The following CDH10 variants were observed in gnomAD, a reference collection of about 807,000 sequenced individuals.
CDH10 encodes cadherin 10, also known as cadherin-10.
In CDH10, 30 loss-of-function variants were observed where a neutral mutation model predicts 73.1. That is an observed-to-expected ratio of 0.41 (90% CI 0.31 to 0.56). The LOEUF (loss-of-function observed/expected upper bound fraction) is 0.56. CDH10 is among the 20% of genes least tolerant of loss of function. The pLI, the probability that CDH10 is intolerant of heterozygous loss-of-function variation, is 0.27. For missense variants in CDH10, 815 were observed against 973.7 expected, an observed-to-expected ratio of 0.84 and a Z score of 2.17; for synonymous variants, 345 against 348.2, an observed-to-expected ratio of 0.99 and a Z score of 0.10.
At chr5:24,573,157 A>G (rs76045745) in intron 2 of CDH10, among the ~76,000 whole-genome samples, 11,164 of 151,944 alleles carry the variant, frequency 0.073, 765 homozygotes, top group East Asian at 0.16. Context: ...TACAATGAAA[A>G]ATAAATATAT....
chr5:24,495,996 A>T (rs1340722373), intron 9 of CDH10, among the ~76,000 whole-genome samples: 1 of 152,030 alleles, frequency 6.6e-6, no homozygotes, highest in Non-Finnish European at 1.5e-5. Context: ...TGCTTCAGTG[A>T]TCATATTATT....
chr5:24,521,879 T>C (rs972356115), intron 5 of CDH10, among the ~76,000 whole-genome samples: 2 of 152,154 alleles, frequency 1.3e-5, no homozygotes, highest in African/African-American at 4.8e-5. Flanking sequence ...CTCACACCTA[T>C]AATCCCAGCA....
At chr5:24,637,658 A>AT (rs1747909680) in intron 1 of CDH10, among the ~76,000 whole-genome samples, 1 of 151,924 alleles carries the variant, frequency 6.6e-6, no homozygotes, top group African/African-American at 2.4e-5. Flanking sequence ...TATTGTATAG[A>AT]TAACAGGATA....
chr5:24,619,422 T>C (rs894972066), intron 1 of CDH10, among the ~76,000 whole-genome samples: 5 of 152,112 alleles, frequency 3.3e-5, no homozygotes, highest in Admixed American at 6.5e-5. Context: ...CTCAATCTCC[T>C]GACCTCGTGA....
chr5:24,531,591 C>A (rs1449842378), intron 5 of CDH10, among the ~76,000 whole-genome samples: 1 of 152,000 alleles, frequency 6.6e-6, no homozygotes, highest in African/African-American at 2.4e-5. Flanking sequence ...GGAAAGATAG[C>A]TTGTATAGAG....
intron 1 of CDH10, among the ~76,000 whole-genome samples, chr5:24,638,263 A>G (rs1303071702): frequency 6.6e-6 from 1 of 151,684 alleles, no homozygotes; most frequent in African/African-American, 2.4e-5. Flanking sequence ...AGTATTAACT[A>G]TTGAAAATTA....
At chr5:24,560,516 T>C (rs2111985743) in intron 2 of CDH10, among the ~76,000 whole-genome samples, 2 of 152,210 alleles carry the variant, frequency 1.3e-5, no homozygotes, top group African/African-American at 4.8e-5. Context: ...TAAGTTTGAA[T>C]AATGCTGGGC....
chr5:24,546,360 C>T (rs529803966), intron 2 of CDH10, among the ~76,000 whole-genome samples: 4 of 152,134 alleles, frequency 2.6e-5, no homozygotes, highest in Non-Finnish European at 4.4e-5. Context: ...TCAAGATCAA[C>T]GCTCTCACAA....
At chr5:24,554,734 A>G (rs2111966866) in intron 2 of CDH10, among the ~76,000 whole-genome samples, 1 of 152,276 alleles carries the variant, frequency 6.6e-6, no homozygotes, top group East Asian at 1.9e-4. Context: ...GAGAATGTGT[A>G]AAAGATCTTA....
intron 2 of CDH10, among the ~76,000 whole-genome samples, chr5:24,555,061 A>T (rs541238863): frequency 2.6e-5 from 4 of 151,954 alleles, no homozygotes; most frequent in Non-Finnish European, 5.9e-5. Context: ...TGCTTGCTTC[A>T]AATAACTCTT....
At chr5:24,621,827 T>TATAC (rs139350639) in intron 1 of CDH10, among the ~76,000 whole-genome samples, 3 of 151,880 alleles carry the variant, frequency 2.0e-5, no homozygotes, top group Admixed American at 6.6e-5. Context: ...TACGTGTGTA[T>TATAC]ACACACACAC....
At position 24,548,839 on chromosome 5, in the gene CDH10, T is replaced by C. The variant is rs565816693; in HGVS notation, c.232-11165A>G. Among the ~76,000 whole-genome samples the C allele has an allele frequency of 9.2e-5, 14 of 152,120 alleles. No homozygotes were observed. The Middle Eastern group carries it at 0.01, about 111-fold the overall frequency. On this transcript the variant is annotated intron_variant, in intron 2 of 11. Transcript: ENST00000264463. ...TACTATACATGCAAAAAAGCACAATTAGGGGATTAATATACAAGAATAAAA... is the reference window on the plus strand; with the variant it reads ...TACTATACATGCAAAAAAGCACAATCAGGGGATTAATATACAAGAATAAAA...
intron 2 of CDH10, among the ~76,000 whole-genome samples, chr5:24,562,650 A>C (rs757056150): frequency 2.6e-5 from 4 of 152,136 alleles, no homozygotes; most frequent in Non-Finnish European, 5.9e-5. Flanking sequence ...AGTTAATATC[A>C]TATGTGATGT....
intron 2 of CDH10, among the ~76,000 whole-genome samples, chr5:24,559,742 C>A (rs1045158673): frequency 6.6e-6 from 1 of 151,904 alleles, no homozygotes; most frequent in African/African-American, 2.4e-5. Context: ...AAAGAAAAGG[C>A]CAAGTTTCAT....
intron 2 of CDH10, among the ~76,000 whole-genome samples, chr5:24,547,768 T>C (rs1744396069): frequency 6.6e-6 from 1 of 152,176 alleles, no homozygotes; most frequent in South Asian, 2.1e-4. Context: ...CAGAGACTTA[T>C]TTTTTAACCT....
intron 5 of CDH10, among the ~76,000 whole-genome samples, chr5:24,521,054 C>A (rs1193534726): frequency 6.6e-6 from 1 of 152,072 alleles, no homozygotes; most frequent in Non-Finnish European, 1.5e-5. Flanking sequence ...GCATTCCTGG[C>A]ACTCAACAGA....
chr5:24,618,845 A>T (rs1236537499), intron 1 of CDH10, among the ~76,000 whole-genome samples: 1 of 152,194 alleles, frequency 6.6e-6, no homozygotes. Context: ...GTATTAAATG[A>T]CATATTAAGA....
chr5:24,638,266 G>T (rs1240429165), intron 1 of CDH10, among the ~76,000 whole-genome samples: 2 of 151,298 alleles, frequency 1.3e-5, no homozygotes, highest in African/African-American at 4.8e-5. Flanking sequence ...ATTAACTATT[G>T]AAAATTAGGA....
intron 1 of CDH10, among the ~76,000 whole-genome samples, chr5:24,633,788 A>T (rs970593860): frequency 1.3e-5 from 2 of 151,890 alleles, no homozygotes; most frequent in African/African-American, 2.4e-5. Context: ...TTCATTTTCA[A>T]TGTCATCTTA....
Sources: allele counts gnomAD v4.1 joint callset (sites outside exome capture counted in the v4.1 genomes callset), GRCh38; gene constraint gnomAD v4.1.1; transcripts MANE v1.5; gene names NCBI Gene and HGNC (gene_info 2026-07-23, HGNC 2026-07-21).